Variants in DLG2 observed in about 807,000 individuals in gnomAD.
DLG2 encodes the protein discs large MAGUK scaffold protein 2, also known as disks large homolog 2.
In DLG2, 45 loss-of-function variants were observed where a neutral mutation model predicts 132.5. The ratio of observed to expected loss-of-function variants is 0.34; its 90% confidence interval spans 0.27 to 0.44. The LOEUF is 0.44. Ranked by LOEUF, DLG2 falls within the 20% of genes least tolerant of loss-of-function variation. The pLI is 1.00. For synonymous variants in DLG2, 424 were observed against 419.6 expected (o/e 1.01, Z -0.13); for missense variants, 1,045 against 1,196.9 (o/e 0.87, Z 1.87).
chr11:85,485,019 G>T (rs1251560658), intron 3 of DLG2, among the ~76,000 whole-genome samples: 1 of 152,184 alleles, frequency 6.6e-6, no homozygotes, highest in Non-Finnish European at 1.5e-5. Flanking sequence ...ATACTATGCA[G>T]CCATAAAAAA....
intron 7 of DLG2, among the ~76,000 whole-genome samples, chr11:84,420,639 A>T (rs1463666713): frequency 1.8e-5 from 2 of 109,960 alleles, no homozygotes; most frequent in African/African-American, 5.7e-5. Context: ...ACAGTGACCA[A>T]TGCTTGTTTT....
chr11:85,449,953 T>C (rs1376125581), intron 3 of DLG2, among the ~76,000 whole-genome samples: 1 of 151,876 alleles, frequency 6.6e-6, no homozygotes, highest in Non-Finnish European at 1.5e-5. Flanking sequence ...CATGGAGAAA[T>C]CCTGTCTCTA....
intron 18 of DLG2, among the ~76,000 whole-genome samples, chr11:83,657,293 A>T (rs958781174): frequency 1.3e-5 from 2 of 152,114 alleles, no homozygotes; most frequent in Admixed American, 6.6e-5. Flanking sequence ...GAGGTGAAAA[A>T]TCACGAGTGA....
At chr11:83,882,981 C>T (rs578237607) in intron 15 of DLG2, among the ~76,000 whole-genome samples, 3 of 152,276 alleles carry the variant, frequency 2.0e-5, no homozygotes, top group East Asian at 1.9e-4. Flanking sequence ...GCCACTGCGA[C>T]CCATATTCTT....
intron 3 of DLG2, among the ~76,000 whole-genome samples, chr11:85,348,979 T>C (rs1008217341): frequency 1.6e-4 from 24 of 152,110 alleles, no homozygotes; most frequent in African/African-American, 5.6e-4. Context: ...AAAAATAAAA[T>C]TCTAAGCCCC....
intron 7 of DLG2, among the ~76,000 whole-genome samples, chr11:84,484,743 G>A (rs1055577872): frequency 3.3e-5 from 5 of 152,070 alleles, no homozygotes; most frequent in African/African-American, 1.2e-4. Flanking sequence ...AGCTTGATAA[G>A]TTCAAAAAGG....
At chr11:83,659,122 A>G (rs1405936402) in intron 18 of DLG2, among the ~76,000 whole-genome samples, 3 of 152,248 alleles carry the variant, frequency 2.0e-5, no homozygotes, top group African/African-American at 4.8e-5. Flanking sequence ...AACAATGATT[A>G]TGGGATAACA....
chr11:84,478,246 T>C (rs17807470), intron 7 of DLG2, among the ~76,000 whole-genome samples: 3,386 of 152,252 alleles, frequency 0.022, 59 homozygotes, highest in Non-Finnish European at 0.035. Flanking sequence ...GAGTCTTATA[T>C]AAATGAGATG....
rs900757213 is a variant in DLG2 at position 84,350,534 on chromosome 11, G to C, written c.520-99243C>G. On this transcript the variant is annotated intron_variant, in intron 7 of 27. Transcript: ENST00000376104. ...CAGCTAACCACCATGAAGACACGGA[G>C]TGGTCTTCCATTCATGCCATTGTCA... Among the ~76,000 whole-genome samples, 4 of 152,140 alleles carry C rather than the reference G, an allele frequency of 2.6e-5. No individual in the cohort carries two copies. In the East Asian group the frequency reaches 7.7e-4, roughly 29 times the overall value.
chr11:83,835,896 A>T (rs905812899), intron 16 of DLG2, among the ~76,000 whole-genome samples: 4 of 152,146 alleles, frequency 2.6e-5, no homozygotes, highest in Non-Finnish European at 5.9e-5. Context: ...AGCCAACATG[A>T]GATTGCACAC....
intron 7 of DLG2, among the ~76,000 whole-genome samples, chr11:84,255,746 T>A (rs904502901): frequency 6.6e-6 from 1 of 152,098 alleles, no homozygotes; most frequent in Non-Finnish European, 1.5e-5. Context: ...AGGAGATTTA[T>A]GAAAAATCTA....
intron 6 of DLG2, among the ~76,000 whole-genome samples, chr11:84,770,430 T>C (rs892265900): frequency 6.6e-6 from 1 of 151,560 alleles, no homozygotes; most frequent in Non-Finnish European, 1.5e-5. Context: ...TAGTATCCAA[T>C]GGATATTTTT....
At chr11:85,460,344 G>A (rs181771012) in intron 3 of DLG2, among the ~76,000 whole-genome samples, 1 of 152,316 alleles carries the variant, frequency 6.6e-6, no homozygotes. Flanking sequence ...CTCATTGTCA[G>A]TCTGGAAGCT....
chr11:84,738,487 A>G (rs1380262227), intron 6 of DLG2, among the ~76,000 whole-genome samples: 1 of 152,144 alleles, frequency 6.6e-6, no homozygotes, highest in East Asian at 1.9e-4. Flanking sequence ...TATACTAGGT[A>G]TTCTGTTTCA....
At chr11:84,912,477 C>A (rs1478781891) in intron 6 of DLG2, among the ~76,000 whole-genome samples, 1 of 152,208 alleles carries the variant, frequency 6.6e-6, no homozygotes, top group Non-Finnish European at 1.5e-5. Flanking sequence ...ATTTTAACAT[C>A]TTCTGAATGA....
intron 5 of DLG2, among the ~76,000 whole-genome samples, chr11:85,125,315 ATG>A (rs564987372): frequency 7.5e-4 from 115 of 152,330 alleles, no homozygotes; most frequent in African/African-American, 2.6e-3. Context: ...AAAAGGGCTA[ATG>A]TTATGAAGTA....
chr11:85,495,073 C>T (rs565285983), intron 3 of DLG2, among the ~76,000 whole-genome samples: 19 of 151,646 alleles, frequency 1.3e-4, no homozygotes, highest in Non-Finnish European at 2.7e-4. Context: ...ATACAAATGG[C>T]CAATGAACAT....
chr11:85,239,201 C>T (rs1452577773), intron 4 of DLG2, among the ~76,000 whole-genome samples: 1 of 152,026 alleles, frequency 6.6e-6, no homozygotes, highest in Non-Finnish European at 1.5e-5. Flanking sequence ...CACTTGGGCT[C>T]ACCACAATAG....
intron 6 of DLG2, among the ~76,000 whole-genome samples, chr11:84,838,736 A>G (rs1169048163): frequency 6.6e-6 from 1 of 152,138 alleles, no homozygotes; most frequent in Non-Finnish European, 1.5e-5. Context: ...AACCAAAGAC[A>G]AAAATCACAT....
Sources: allele counts gnomAD v4.1 joint callset (sites outside exome capture counted in the v4.1 genomes callset), GRCh38; gene constraint gnomAD v4.1.1; transcripts MANE v1.5; gene names NCBI Gene and HGNC (gene_info 2026-07-23, HGNC 2026-07-21).